LRRC17: variants seen among roughly 807,000 people sequenced by gnomAD.
The protein encoded by LRRC17 is leucine rich repeat containing 17.
A neutral mutation model predicts 41.5 loss-of-function variants in LRRC17; 33 were observed. The observed-to-expected ratio is 0.80, with a 90% CI of 0.60 to 1.06. The LOEUF (loss-of-function observed/expected upper bound fraction) is 1.06. Among genes scored for constraint, LRRC17 ranks in the 50% least tolerant of loss-of-function variants. LRRC17 has a pLI of 0.00. For missense variants in LRRC17, 491 were observed against 519.3 expected (o/e 0.95, Z 0.53); for synonymous variants, 192 against 197.0 (o/e 0.97, Z 0.21).
At chr7:102,943,443 A>C (rs1192984184) in intron 3 of LRRC17, among the ~76,000 whole-genome samples, 1 of 152,228 alleles carries the variant, frequency 6.6e-6, no homozygotes, top group African/African-American at 2.4e-5. Flanking sequence ...AATATATTTC[A>C]CAATTTTGCA....
intron 2 of LRRC17, among the ~76,000 whole-genome samples, chr7:102,939,192 G>A (rs1585043901): frequency 1.3e-5 from 2 of 152,302 alleles, no homozygotes; most frequent in Non-Finnish European, 2.9e-5. Context: ...GCTTTATAGG[G>A]CCTTAGTGAG....
chr7:102,931,870 C>T, intron 1 of LRRC17: 1 of 1,612,812 alleles, frequency 6.2e-7, no homozygotes, highest in Non-Finnish European at 8.5e-7. Context: ...AAAATGGTTG[C>T]TTATACTCAC....
chr7:102,929,569 C>T (rs1010743343), intron 1 of LRRC17, among the ~76,000 whole-genome samples: 2 of 145,046 alleles, frequency 1.4e-5, no homozygotes, highest in Non-Finnish European at 3.0e-5. Flanking sequence ...GTGGCTGAGG[C>T]AGGAGAATCA....
At chr7:102,923,279 A>G (rs1817446932) in intron 1 of LRRC17, among the ~76,000 whole-genome samples, 1 of 151,662 alleles carries the variant, frequency 6.6e-6, no homozygotes, top group Non-Finnish European at 1.5e-5. Context: ...CTTTAAGTCT[A>G]AACAATCAAC....
chr7:102,929,164 C>T (rs939904813), intron 1 of LRRC17, among the ~76,000 whole-genome samples: 2 of 152,112 alleles, frequency 1.3e-5, no homozygotes, highest in Non-Finnish European at 1.5e-5. Flanking sequence ...TGTACACATT[C>T]TATTTGTGTA....
At chr7:102,943,964 C>G (rs1333702557) in intron 3 of LRRC17, among the ~76,000 whole-genome samples, 1 of 152,048 alleles carries the variant, frequency 6.6e-6, no homozygotes, top group Non-Finnish European at 1.5e-5. Flanking sequence ...ATTCTTGCAT[C>G]ATAAAGGTGA....
chr7:102,916,223 G>A (rs1051775223), intron 1 of LRRC17, among the ~76,000 whole-genome samples: 9 of 152,038 alleles, frequency 5.9e-5, no homozygotes, highest in African/African-American at 1.9e-4. Context: ...TTGACCTCAG[G>A]TGATCCGCCC....
intron 1 of LRRC17, among the ~76,000 whole-genome samples, chr7:102,925,748 C>A (rs961132813): frequency 6.6e-6 from 1 of 152,024 alleles, no homozygotes; most frequent in Non-Finnish European, 1.5e-5. Context: ...TTGAGACCAG[C>A]CTGACCAACA....
Position 102,925,874 on chromosome 7 carries a change from T to G in LRRC17, c.-140-7900T>G, listed in dbSNP as rs147137887. 3.8e-3 allele frequency among the ~76,000 whole-genome samples: 563 copies of G among 147,040 alleles called. 5 individuals carry two copies. Among genetic ancestry groups the G allele is most frequent in the African/African-American group, 0.014 (556 of 39,484 alleles). On this transcript the variant is annotated intron_variant, in intron 1 of 3. Coordinates refer to ENST00000339431, the MANE Select transcript of LRRC17 (RefSeq NM_001031692.3). ...GAGAATCGCTTGGACCCGGGAGGCG[T>G]AGGTTGCCATGAGCTAAGATCATGC...
Position 102,913,117 on chromosome 7 carries a change from A to C in LRRC17, c.-169A>C. 1.2e-6 allele frequency: 2 copies of C among 1,614,174 alleles called. No homozygotes were observed. Among genetic ancestry groups the C allele is most frequent in the Admixed American group, 3.3e-5 (2 of 60,016 alleles). On this transcript the variant is annotated 5_prime_UTR_variant, in exon 1 of 4. It removes the in-frame stop codon of an upstream open reading frame in the 5' UTR. Transcript: ENST00000339431. ...GCAGCCAGAGAGGTCCAGATAGATG[A>C]GCTTGTGGCATCCATTCCCCAAGTT... is the stretch of plus-strand genomic sequence containing the variant.
chr7:102,915,921 A>T (rs1815763865), intron 1 of LRRC17, among the ~76,000 whole-genome samples: 1 of 152,170 alleles, frequency 6.6e-6, no homozygotes, highest in South Asian at 2.1e-4. Context: ...AGAGACTGCT[A>T]ATACTTCTGT....
chr7:102,934,589 G>C lies in LRRC17; in HGVS notation c.676G>C (p.Val226Leu). ...EKEQLDPKPQ[V>L]SGRPPVIKPE... ...GGAACAATTGGACCCGAAACCCCAA[G>C]TGTCAGGGAGACCCCCAGTCATCAA... Residue 226 changes from valine (V) to leucine (L), a missense_variant, in exon 2 of 4, where the codon GTG becomes CTG. Transcript: ENST00000339431. 6.2e-7 allele frequency: 1 copy of C among 1,614,086 alleles called. No homozygotes were observed. The highest frequency in any genetic ancestry group is 8.5e-7 in the Non-Finnish European group (1 of 1,179,970).
chr7:102,931,352 A>G (rs1030237529), intron 1 of LRRC17, among the ~76,000 whole-genome samples: 2 of 152,170 alleles, frequency 1.3e-5, no homozygotes, highest in South Asian at 2.1e-4. Context: ...GCTTTATCCA[A>G]CTGTGTAGAT....
At chr7:102,927,463 T>A (rs1818348849) in intron 1 of LRRC17, among the ~76,000 whole-genome samples, 1 of 152,208 alleles carries the variant, frequency 6.6e-6, no homozygotes, top group South Asian at 2.1e-4. Flanking sequence ...TTCAACAGGA[T>A]CATTGAGGTT....
intron 2 of LRRC17, among the ~76,000 whole-genome samples, chr7:102,939,138 G>A (rs1222106941): frequency 6.6e-6 from 1 of 152,202 alleles, no homozygotes; most frequent in Non-Finnish European, 1.5e-5. Context: ...TAGAACCTAG[G>A]AGGTTCTGAC....
At chr7:102,943,237 C>T (rs548918862) in intron 3 of LRRC17, among the ~76,000 whole-genome samples, 8 of 152,042 alleles carry the variant, frequency 5.3e-5, no homozygotes, top group Non-Finnish European at 7.4e-5. Context: ...GATCACCACC[C>T]GGCACATTTT....
Position 102,924,924 on chromosome 7 carries a change from C to T in LRRC17, c.-140-8850C>T, listed in dbSNP as rs183372373. 3.7e-3 allele frequency among the ~76,000 whole-genome samples: 567 copies of T among 152,106 alleles called. 5 individuals are homozygous for T. The highest frequency in any genetic ancestry group is 0.013 in the African/African-American group (559 of 41,504). On this transcript the variant is annotated intron_variant, in intron 1 of 3. Coordinates refer to ENST00000339431, the MANE Select transcript of LRRC17 (RefSeq NM_001031692.3). Reference sequence around the variant, plus strand: ...GATTACAGGCGTGAGCCACCGTGCCCGGCCTGTGTAAGCTTTTCTAAATGT... The same window carrying T: ...GATTACAGGCGTGAGCCACCGTGCCTGGCCTGTGTAAGCTTTTCTAAATGT...
intron 1 of LRRC17, among the ~76,000 whole-genome samples, chr7:102,918,721 T>C (rs1326335316): frequency 3.9e-5 from 6 of 152,132 alleles, no homozygotes; most frequent in Non-Finnish European, 5.9e-5. Context: ...CATCACACTA[T>C]GTAGCTGGGT....
At chr7:102,943,270 T>C (rs1476849497) in intron 3 of LRRC17, among the ~76,000 whole-genome samples, 3 of 152,078 alleles carry the variant, frequency 2.0e-5, no homozygotes, top group African/African-American at 7.2e-5. Flanking sequence ...GCACTTGTCT[T>C]ACATGCGAAA....
Sources: gnomAD v4.1 joint callset for allele counts (sites outside exome capture counted in the v4.1 genomes callset) on GRCh38, gnomAD v4.1.1 for gene constraint, MANE v1.5 for transcripts, NCBI Gene and HGNC (gene_info 2026-07-23, HGNC 2026-07-21) for gene names.